TIAM1: variants seen among roughly 807,000 people sequenced by gnomAD.
TIAM1 encodes the protein rho guanine nucleotide exchange factor TIAM1.
TIAM1 carries 65 observed loss-of-function variants against 163.5 expected under a neutral mutation model. The ratio of observed to expected loss-of-function variants is 0.40; its 90% CI spans 0.33 to 0.49. TIAM1 has a LOEUF of 0.49. Among genes scored for constraint, TIAM1 ranks in the 20% least tolerant of loss-of-function variants. The pLI is 0.77. For synonymous variants in TIAM1, 833 were observed against 810.1 expected (o/e 1.03, Z -0.48); for missense variants, 1,789 against 2,044.7 (o/e 0.87, Z 2.41).
At chr21:31,537,625 G>A (rs1011611153) in intron 1 of TIAM1, among the ~76,000 whole-genome samples, 1 of 151,982 alleles carries the variant, frequency 6.6e-6, no homozygotes, top group African/African-American at 2.4e-5. Flanking sequence ...GGTGGTGGAT[G>A]CGTGTATTCC....
At chr21:31,408,567 C>A (rs1479600716) in intron 2 of TIAM1, among the ~76,000 whole-genome samples, 1 of 152,238 alleles carries the variant, frequency 6.6e-6, no homozygotes, top group Admixed American at 6.5e-5. Context: ...AAAGTCTCCA[C>A]TATCATGCTA....
chr21:31,296,926 A>G (rs112445843), intron 2 of TIAM1, among the ~76,000 whole-genome samples: 3,868 of 152,052 alleles, frequency 0.025, 92 homozygotes, highest in African/African-American at 0.062. Flanking sequence ...GCCTCCCAAA[A>G]TGCTGGGATT....
intron 2 of TIAM1, among the ~76,000 whole-genome samples, chr21:31,291,000 T>C (rs1453562206): frequency 6.6e-6 from 1 of 152,136 alleles, no homozygotes; most frequent in Non-Finnish European, 1.5e-5. Context: ...ACAACGATAA[T>C]AACAAATTAT....
At chr21:31,468,314 G>T (rs1397538216) in intron 1 of TIAM1, among the ~76,000 whole-genome samples, 1 of 149,666 alleles carries the variant, frequency 6.7e-6, no homozygotes, top group Non-Finnish European at 1.5e-5. Flanking sequence ...TGACTCTACT[G>T]AAAAAATAGA....
intron 6 of TIAM1, among the ~76,000 whole-genome samples, chr21:31,226,503 C>G (rs770647544): frequency 8.5e-5 from 13 of 152,108 alleles, no homozygotes; most frequent in Non-Finnish European, 1.6e-4. Flanking sequence ...ATGGAACCCT[C>G]TAAGAATTGC....
intron 8 of TIAM1, among the ~76,000 whole-genome samples, chr21:31,217,994 TC>T (rs1314381349): frequency 2.6e-5 from 4 of 152,208 alleles, no homozygotes; most frequent in Non-Finnish European, 4.4e-5. Context: ...AAATGACATG[TC>T]CTTCTGGTCA....
intron 15 of TIAM1, among the ~76,000 whole-genome samples, chr21:31,178,682 A>T (rs2084879507): frequency 6.6e-6 from 1 of 152,176 alleles, no homozygotes; most frequent in African/African-American, 2.4e-5. Flanking sequence ...AAAACAATAC[A>T]GTGGCTTTAC....
chr21:31,282,259 G>T (rs1357944853), intron 2 of TIAM1, among the ~76,000 whole-genome samples: 2 of 152,240 alleles, frequency 1.3e-5, no homozygotes, highest in Non-Finnish European at 2.9e-5. Context: ...GATATGATGA[G>T]CAATGCTCTA....
At chr21:31,540,950 G>A (rs2048306354) in intron 1 of TIAM1, among the ~76,000 whole-genome samples, 1 of 152,114 alleles carries the variant, frequency 6.6e-6, no homozygotes, top group Non-Finnish European at 1.5e-5. Context: ...GCTGTGGTGA[G>A]TCCAATATAC....
intron 2 of TIAM1, among the ~76,000 whole-genome samples, chr21:31,443,942 T>A (rs1346167380): frequency 6.6e-6 from 1 of 152,188 alleles, no homozygotes; most frequent in African/African-American, 2.4e-5. Context: ...ATTCAAGTCA[T>A]TTAGAACATG....
At chr21:31,306,326 C>G (rs542137943) in intron 2 of TIAM1, among the ~76,000 whole-genome samples, 1 of 151,866 alleles carries the variant, frequency 6.6e-6, no homozygotes, top group South Asian at 2.1e-4. Context: ...CAGATTATAA[C>G]CCACTGAATA....
At chr21:31,528,605 C>A (rs1448077434) in intron 1 of TIAM1, among the ~76,000 whole-genome samples, 6 of 151,790 alleles carry the variant, frequency 4.0e-5, no homozygotes, top group Admixed American at 3.9e-4. Flanking sequence ...GAGTTTGAGA[C>A]CAGCCTGGGC....
At chr21:31,293,853 A>T (rs2074123950) in intron 2 of TIAM1, among the ~76,000 whole-genome samples, 1 of 152,204 alleles carries the variant, frequency 6.6e-6, no homozygotes, top group Non-Finnish European at 1.5e-5. Flanking sequence ...ATTAAAATAT[A>T]TTTACAGATT....
intron 6 of TIAM1, among the ~76,000 whole-genome samples, chr21:31,241,249 T>C (rs1343217553): frequency 5.3e-5 from 8 of 152,046 alleles, no homozygotes; most frequent in African/African-American, 1.9e-4. Flanking sequence ...CAGTCACAAA[T>C]ATGTATAAGG....
chr21:31,152,852 C>T, intron 18 of TIAM1, 91 bp from the exon 19 acceptor site: 1 of 1,508,374 alleles, frequency 6.6e-7, no homozygotes, highest in Non-Finnish European at 8.9e-7. Context: ...TCTATCAATT[C>T]TTATCAATTA....
At chr21:31,458,300 AT>A (rs2045189574) in intron 2 of TIAM1, among the ~76,000 whole-genome samples, 1 of 152,026 alleles carries the variant, frequency 6.6e-6, no homozygotes, top group Admixed American at 6.6e-5. Flanking sequence ...GGCGCCTGTA[AT>A]CCCAGCTACT....
chr21:31,197,779 T>C (rs906342328), intron 12 of TIAM1, among the ~76,000 whole-genome samples: 1 of 152,192 alleles, frequency 6.6e-6, no homozygotes, highest in African/African-American at 2.4e-5. Flanking sequence ...GTGATGTCCA[T>C]TTTACAAATA....
chr21:31,270,691 C>G (rs906997502), intron 3 of TIAM1, among the ~76,000 whole-genome samples: 2 of 152,218 alleles, frequency 1.3e-5, no homozygotes, highest in African/African-American at 2.4e-5. Flanking sequence ...AATTCATACA[C>G]TTTCTTAAAA....
chr21:31,129,094 C>A (rs982502212), intron 25 of TIAM1, among the ~76,000 whole-genome samples: 1 of 152,168 alleles, frequency 6.6e-6, no homozygotes, highest in Admixed American at 6.5e-5. Flanking sequence ...AAAGCTGCAC[C>A]TGCTGTCCAA....
Sources: gnomAD v4.1 joint callset for allele counts (sites outside exome capture counted in the v4.1 genomes callset) on GRCh38, gnomAD v4.1.1 for gene constraint, MANE v1.5 for transcripts, NCBI Gene and HGNC (gene_info 2026-07-23, HGNC 2026-07-21) for gene names.